COL19A1: variants seen among roughly 807,000 people sequenced by gnomAD.
COL19A1 encodes the protein collagen type XIX alpha 1 chain.
In COL19A1, 159 loss-of-function variants were observed where a neutral mutation model predicts 190.2. That is an observed-to-expected ratio of 0.84 (90% CI 0.73 to 0.95). The LOEUF is 0.95. COL19A1 is among the 40% of genes least tolerant of loss of function. COL19A1 has a pLI of 0.00. For missense variants in COL19A1, 1,418 were observed against 1,431.9 expected (o/e 0.99, Z 0.16); for synonymous variants, 509 against 458.9 (o/e 1.11, Z -1.39).
intron 15 of COL19A1, among the ~76,000 whole-genome samples, chr6:70,094,955 A>G (rs192180846): frequency 3.0e-4 from 46 of 152,318 alleles, no homozygotes; most frequent in African/African-American, 1.1e-3. Flanking sequence ...TGAATGTCAT[A>G]AGGGTACAGC....
intron 16 of COL19A1, among the ~76,000 whole-genome samples, chr6:70,114,706 A>G (rs368804628): frequency 3.3e-5 from 5 of 151,990 alleles, no homozygotes; most frequent in East Asian, 1.9e-4. Context: ...TTTTTCTTCT[A>G]TCTGCTTGGC....
intron 15 of COL19A1, among the ~76,000 whole-genome samples, chr6:70,098,984 G>T (rs192036927): frequency 3.0e-4 from 44 of 148,406 alleles, no homozygotes; most frequent in Middle Eastern, 3.5e-3. Flanking sequence ...TTTGGGAGGA[G>T]GCCAGAGCCG....
At chr6:69,957,106 T>A (rs994329959) in intron 9 of COL19A1, among the ~76,000 whole-genome samples, 2 of 151,904 alleles carry the variant, frequency 1.3e-5, no homozygotes, top group African/African-American at 4.8e-5. Context: ...GAATGTGATT[T>A]TTTTTATCAA....
intron 14 of COL19A1, among the ~76,000 whole-genome samples, chr6:70,050,433 G>A (rs1036056837): frequency 6.6e-5 from 10 of 151,938 alleles, no homozygotes; most frequent in Admixed American, 2.6e-4. Context: ...TATAACCAGT[G>A]TAAACTTCAT....
intron 29 of COL19A1, 28 bp from the exon 30 acceptor site, chr6:70,149,964 G>GA: frequency 6.2e-7 from 1 of 1,613,796 alleles, no homozygotes; most frequent in South Asian, 1.1e-5. Context: ...CACGTGCAAA[G>GA]ATTGAACATG....
chr6:69,883,095 C>A, intron 2 of COL19A1, among the ~76,000 whole-genome samples: 1 of 152,158 alleles, frequency 6.6e-6, no homozygotes, highest in Non-Finnish European at 1.5e-5. Flanking sequence ...GAGGGCAAGG[C>A]ACGTGAACAC....
Position 70,023,670 on chromosome 6 carries a change from A to G in COL19A1, c.1070A>G (p.Asn357Ser). 1 of 1,610,798 alleles carries G rather than the reference A, an allele frequency of 6.2e-7. No homozygotes were observed. The highest frequency in any genetic ancestry group is 8.5e-7 in the Non-Finnish European group (1 of 1,179,042). ...GGAGATCCAGCTCTGGCTGGCCTTA[A>G]TGGAGAAAATGTAAGCCTAACTCTT... ...EKGDPALAGL[N>S]GENGLKGDLG... The change falls in exon 12 of 51, where the codon AAT (asparagine) becomes AGT (serine). Residue 357 changes from asparagine (N) to serine (S), a missense_variant. Physicochemically the swap from Asn to Ser is conservative, Grantham distance 46 (BLOSUM62 1). Transcript: ENST00000620364.
At chr6:70,138,488 A>G (rs897333173) in intron 19 of COL19A1, among the ~76,000 whole-genome samples, 10 of 152,260 alleles carry the variant, frequency 6.6e-5, no homozygotes, top group Middle Eastern at 3.4e-3. Context: ...AGGCTTAACA[A>G]ATGTTTCATC....
intron 2 of COL19A1, among the ~76,000 whole-genome samples, chr6:69,880,814 A>T (rs1237239973): frequency 6.6e-6 from 1 of 152,238 alleles, no homozygotes; most frequent in Non-Finnish European, 1.5e-5. Context: ...TATGTAAAAA[A>T]GGAAAAGAGA....
At chr6:69,999,104 T>C (rs1299754828) in intron 11 of COL19A1, among the ~76,000 whole-genome samples, 1 of 142,078 alleles carries the variant, frequency 7.0e-6, no homozygotes, top group East Asian at 2.1e-4. Flanking sequence ...GTTCTATTTT[T>C]AGTAGAGATG....
rs1554158949 is a variant in COL19A1 at position 69,891,203 on chromosome 6, C to CGCA, written c.92-7745_92-7744insGCA. 894 of 105,190 alleles carry CGCA rather than the reference C, an allele frequency of 8.5e-3. 2 individuals carry two copies. The highest frequency in any genetic ancestry group is 0.013 in the Non-Finnish European group (618 of 46,210). 6.5% of individuals were successfully genotyped at this position (105,190 alleles called of 1,614,324 possible). On this transcript the variant is annotated intron_variant, in intron 2 of 50. Transcript: ENST00000620364. ...AGAGGGAGGCCAAACACCCAGCTAG[C>CGCA]AAAAAAAAAAAAAAAAACTTTACCC...
intron 2 of COL19A1, among the ~76,000 whole-genome samples, chr6:69,883,976 G>A (rs970427455): frequency 6.6e-6 from 1 of 152,072 alleles, no homozygotes. Flanking sequence ...GTGTAAAAGA[G>A]GGATTTCAAC....
rs1286899572 is a variant in COL19A1, at chr6:70,199,679, C to T, written c.3166C>T (p.Pro1056Ser). 4 of 1,609,926 alleles carry T rather than the reference C, an allele frequency of 2.5e-6. No homozygotes were observed. Among genetic ancestry groups the T allele is most frequent in the Non-Finnish European group, 3.4e-6 (4 of 1,177,522 alleles). ...AMLAAQAYGR[P>S]GPPGKDGLPG... ...GTTGGCTGCCCAAGCTTATGGGAGACCTGGGCCACCAGGGAAGGATGGGTT... is the reference window on the plus strand; with the variant it reads ...GTTGGCTGCCCAAGCTTATGGGAGATCTGGGCCACCAGGGAAGGATGGGTT... The change falls in exon 49 of 51, where the codon CCT (proline) becomes TCT (serine). Residue 1056 changes from proline to serine, a missense_variant. Pro to Ser is a moderately conservative substitution (Grantham distance 74, BLOSUM62 -1). Transcript: ENST00000620364.
chr6:70,093,936 A>T (rs1379431670), intron 15 of COL19A1, among the ~76,000 whole-genome samples: 1 of 152,120 alleles, frequency 6.6e-6, no homozygotes, highest in Non-Finnish European at 1.5e-5. Flanking sequence ...AAATGTTAAG[A>T]TCCCAGCCTC....
At chr6:70,065,608 G>A (rs1038292715) in intron 14 of COL19A1, among the ~76,000 whole-genome samples, 9 of 152,144 alleles carry the variant, frequency 5.9e-5, no homozygotes, top group African/African-American at 9.7e-5. Context: ...ATTGACAAAT[G>A]GGATCTAATT....
At chr6:70,055,800 A>T (rs35058634) in intron 14 of COL19A1, among the ~76,000 whole-genome samples, 24,208 of 150,868 alleles carry the variant, frequency 0.16, 3,188 homozygotes, top group African/African-American at 0.35. Flanking sequence ...AAAAAAAAAA[A>T]AAAAATTCAC....
rs1783691895 is a variant in COL19A1 at position 70,102,363 on chromosome 6, GAGT to G, written c.1278+145_1278+147del. ...GAATGACTGGTTTCAGCATTTGGAT[GAGT>G]AGTTCATACTCTCTATATTCCTAAC... On this transcript the variant is annotated intron_variant, in intron 16 of 50. Transcript: ENST00000620364. 6 of 668,696 alleles carry G rather than the reference GAGT, an allele frequency of 9.0e-6. No individual in the cohort carries two copies. The South Asian group carries it at 1.1e-4, about 13-fold the overall frequency. 41.4% of individuals were successfully genotyped at this position (668,696 alleles called of 1,614,324 possible).
chr6:70,161,820 A>G (rs899991127), intron 34 of COL19A1, 80 bp from the exon 35 acceptor site: 5 of 1,080,228 alleles, frequency 4.6e-6, no homozygotes, highest in African/African-American at 1.6e-5. Context: ...TTAATGTTCA[A>G]TGGTCAAAAT....
At chr6:70,056,407 G>T (rs1780508020) in intron 14 of COL19A1, among the ~76,000 whole-genome samples, 1 of 152,084 alleles carries the variant, frequency 6.6e-6, no homozygotes. Flanking sequence ...CAAGAAGAGA[G>T]AAAACAAGAA....
Sources: gnomAD v4.1 joint callset for allele counts (sites outside exome capture counted in the v4.1 genomes callset) on GRCh38, gnomAD v4.1.1 for gene constraint, MANE v1.5 for transcripts, NCBI Gene and HGNC (gene_info 2026-07-23, HGNC 2026-07-21) for gene names.